P2RX5: variants seen among roughly 807,000 people sequenced by gnomAD.
The protein encoded by P2RX5 is P2X purinoceptor 5.
Under a neutral mutation model 54.1 loss-of-function variants are expected in P2RX5, and 46 were observed. The ratio of observed to expected loss-of-function variants is 0.85; its 90% CI spans 0.67 to 1.09. The LOEUF (loss-of-function observed/expected upper bound fraction) is 1.09. P2RX5 is among the 50% of genes least tolerant of loss of function. The pLI is 0.00. For synonymous variants in P2RX5, 226 were observed against 226.4 expected (o/e 1.00, Z 0.02); for missense variants, 566 against 549.8 (o/e 1.03, Z -0.29).
the P2RX5 span, chr17:3,723,548 C>G: frequency 9.4e-7 from 1 of 1,059,658 alleles, no homozygotes; most frequent in Non-Finnish European, 1.4e-6. Context: ...CAATTGAGAC[C>G]CAGGGACGAA....
chr17:3,689,109 C>A (rs1053268007), intron 7 of P2RX5, among the ~76,000 whole-genome samples: 4 of 152,278 alleles, frequency 2.6e-5, no homozygotes, highest in Non-Finnish European at 5.9e-5. Context: ...GGTGCCAGGT[C>A]TGGCTCTCAC....
At position 3,676,169 on chromosome 17, in the gene P2RX5, G is replaced by A. The variant is rs555603456; in HGVS notation, c.1260-2292C>T. The A allele has an allele frequency of 1.4e-5, 14 of 985,496 alleles. No homozygotes were observed. In the East Asian group the frequency reaches 1.2e-3, roughly 88 times the overall value. 61.0% of individuals were successfully genotyped at this position (985,496 alleles called of 1,614,324 possible). On this transcript the variant is annotated intron_variant, in intron 11 of 11. Coordinates refer to ENST00000225328, the MANE Select transcript of P2RX5 (RefSeq NM_002561.4). ...GGGCAATGGCGAGGGCTGAGCTCCA[G>A]GTTTCTCACCTTGGGTTTACGGGGA...
the P2RX5 span, among the ~76,000 whole-genome samples, chr17:3,709,911 AAAAC>A: frequency 3.8e-3 from 579 of 152,222 alleles, 6 homozygotes; most frequent in African/African-American, 0.013. Context: ...TCTGTCTCAA[AAAAC>A]AAACAAAGAA....
At chr17:3,688,426 G>A (rs1336320677) in intron 8 of P2RX5, among the ~76,000 whole-genome samples, 200 bp downstream of exon 8, 1 of 152,158 alleles carries the variant, frequency 6.6e-6, no homozygotes. Flanking sequence ...GCAAGAACAC[G>A]CGCTCTCCTC....
chr17:3,709,143 G>C, the P2RX5 span, among the ~76,000 whole-genome samples: 3 of 151,986 alleles, frequency 2.0e-5, no homozygotes, highest in South Asian at 4.2e-4. Flanking sequence ...GTAGAGACAG[G>C]GTGTCACCAT....
the P2RX5 span, among the ~76,000 whole-genome samples, chr17:3,706,645 C>A: frequency 6.6e-6 from 1 of 152,162 alleles, no homozygotes; most frequent in South Asian, 2.1e-4. Context: ...AGCGTCAGAG[C>A]CTTCGGGGGT....
chr17:3,723,503 C>T, the P2RX5 span: 1 of 980,758 alleles, frequency 1.0e-6, no homozygotes, highest in Non-Finnish European at 1.6e-6. Flanking sequence ...GCAATTTCAG[C>T]GCTCACCTCG....
intron 9 of P2RX5, 83 bp from the exon 10 acceptor site, chr17:3,682,061 C>T (rs1172281627): frequency 2.2e-6 from 2 of 902,700 alleles, no homozygotes; most frequent in African/African-American, 1.6e-5. Context: ...TTCCATCCTG[C>T]AACAGCCCCT....
chr17:3,684,835 C>CCTTT (rs2050390904), intron 9 of P2RX5, among the ~76,000 whole-genome samples: 1 of 86,706 alleles, frequency 1.2e-5, no homozygotes. Context: ...ATCCTGCCCC[C>CCTTT]TTTTTTTTTT....
At chr17:3,713,153 T>C in the P2RX5 span, among the ~76,000 whole-genome samples, 2 of 152,036 alleles carry the variant, frequency 1.3e-5, no homozygotes, top group Non-Finnish European at 2.9e-5. Flanking sequence ...AGCCAGGAGT[T>C]TGAAATCAGC....
intron 2 of P2RX5, 52 bp downstream of exon 2, chr17:3,691,592 G>T: frequency 1.2e-6 from 2 of 1,611,266 alleles, no homozygotes; most frequent in South Asian, 1.1e-5. Context: ...TGACCCACCC[G>T]AACCAGGCAG....
the P2RX5 span, among the ~76,000 whole-genome samples, chr17:3,711,011 T>G: frequency 1.3e-5 from 2 of 152,340 alleles, no homozygotes; most frequent in South Asian, 4.1e-4. Context: ...AGTCCTTTTC[T>G]GGGTAGCAGA....
intron 11 of P2RX5, chr17:3,678,060 T>C (rs1597694680): frequency 1.0e-6 from 1 of 985,430 alleles, no homozygotes; most frequent in South Asian, 4.7e-5. Context: ...ACACTGCTGG[T>C]AGCCAGCAGC....
chr17:3,689,493 T>A lies in P2RX5; in HGVS notation c.752A>T (p.Glu251Val), dbSNP rs761991427. 11 of 1,613,854 alleles carry A rather than the reference T, an allele frequency of 6.8e-6. No individual in the cohort carries two copies. The Admixed American group carries it at 1.8e-4, about 27-fold the overall frequency. Reference sequence around the variant, plus strand: ...GCTCCCTGCGTGCACCCCACCCACCTCCAGGGCTATATCCTGGAAGTCGCT... The same window carrying A: ...GCTCCCTGCGTGCACCCCACCCACCACCAGGGCTATATCCTGGAAGTCGCT... ...AGSDFQDIAL[E>V]GGVIGINIEW... is the part of the protein sequence containing the mutation. Residue 251 changes from glutamate to valine, a missense_variant and splice_region_variant, in exon 7 of 12, where the codon GAG becomes GTG. Glu to Val is a moderately radical substitution (Grantham distance 121). Coordinates refer to ENST00000225328, the MANE Select transcript of P2RX5 (RefSeq NM_002561.4).
rs1042993848 is a variant in P2RX5 at position 3,691,030 on chromosome 17, A to C, written c.289-3T>G. ...ACCACAAAAAAGACGTTCTCTCCCTAAGGAACCAGAGAGGCACTGAGGAAC... is the reference window on the plus strand; with the variant it reads ...ACCACAAAAAAGACGTTCTCTCCCTCAGGAACCAGAGAGGCACTGAGGAAC... On this transcript the variant is annotated splice_region_variant and splice_polypyrimidine_tract_variant and intron_variant, in intron 2 of 11. Transcript: ENST00000225328. 1 of 1,610,222 alleles carries C rather than the reference A, an allele frequency of 6.2e-7. No homozygotes were observed. The highest frequency in any genetic ancestry group is 1.7e-5 in the Admixed American group (1 of 59,788).
At chr17:3,674,974 A>G (rs1272118559) in intron 11 of P2RX5, among the ~76,000 whole-genome samples, 1 of 152,182 alleles carries the variant, frequency 6.6e-6, no homozygotes, top group Non-Finnish European at 1.5e-5. Context: ...CATCTGGTCC[A>G]ACACCTGACA....
intron 1 of P2RX5, 116 bp downstream of exon 1, chr17:3,695,753 A>T (rs2050740557): frequency 7.7e-7 from 1 of 1,300,918 alleles, no homozygotes. Flanking sequence ...ACAGACCCCC[A>T]GCTACCGGGA....
Position 3,680,154 on chromosome 17 carries a change from A to ACCCAGTG in P2RX5, c.1065-371_1065-370insCACTGGG, listed in dbSNP as rs2050211908. Among the ~76,000 whole-genome samples the ACCCAGTG allele has an allele frequency of 2.0e-5, 2 of 101,520 alleles. 1 individual carries two copies. Among genetic ancestry groups the ACCCAGTG allele is most frequent in the Non-Finnish European group, 4.1e-5 (2 of 48,932 alleles). 66.6% of individuals were successfully genotyped at this position (101,520 alleles called of 152,430 possible). A position where few individuals can be genotyped will look rare whatever the true frequency, so the allele number is the denominator to read the frequency against. ...CTGCATCCTCCACCCTGAGTCCTCC[A>ACCCAGTG]TCCGGTGTCCTCCACCCTGCATCCT... On this transcript the variant is annotated intron_variant, in intron 10 of 11. Coordinates refer to ENST00000225328, the MANE Select transcript of P2RX5 (RefSeq NM_002561.4).
chr17:3,720,328 A>G, the P2RX5 span: 7 of 1,582,192 alleles, frequency 4.4e-6, no homozygotes, highest in African/African-American at 5.4e-5. Context: ...GGTTCTCTGC[A>G]TTCAGTCCCT....
Sources: gnomAD v4.1 joint callset for allele counts (sites outside exome capture counted in the v4.1 genomes callset) on GRCh38, gnomAD v4.1.1 for gene constraint, MANE v1.5 for transcripts, NCBI Gene and HGNC (gene_info 2026-07-23, HGNC 2026-07-21) for gene names.